The following SQLE variants were observed in gnomAD, a reference collection of about 807,000 sequenced individuals.
SQLE encodes the protein squalene epoxidase.
SQLE carries 29 observed loss-of-function variants against 60.7 expected under a neutral mutation model. The observed-to-expected ratio is 0.48, with a 90% CI of 0.36 to 0.65. The LOEUF (loss-of-function observed/expected upper bound fraction) is 0.65. Ranked by LOEUF, SQLE falls within the 30% of genes least tolerant of loss-of-function variation. The pLI is 0.00. For synonymous variants in SQLE, 237 were observed against 246.8 expected, an observed-to-expected ratio of 0.96 and a Z score of 0.37; for missense variants, 605 against 684.1, an observed-to-expected ratio of 0.88 and a Z score of 1.29.
Position 125,003,354 on chromosome 8 carries a change from A to G in SQLE, c.470A>G (p.Lys157Arg), listed in dbSNP as rs771790593. The change falls in exon 2 of 11, where the codon AAA (lysine) becomes AGA (arginine). Residue 157 changes from lysine (K) to arginine (R), a missense_variant. Physicochemically the swap from Lys to Arg is conservative, Grantham distance 26 (BLOSUM62 2). Coordinates refer to ENST00000265896, the MANE Select transcript of SQLE (RefSeq NM_003129.4). ...RKVTVIERDLKEPDRIVGEFL... is the reference protein window; with the variant it reads ...RKVTVIERDLREPDRIVGEFL... ...GTGACAGTCATTGAGAGAGACTTAA[A>G]AGAGCCTGACAGAATAGTTGGAGAA... The G allele has an allele frequency of 1.2e-6, 2 of 1,613,950 alleles. No individual in the cohort carries two copies. Among genetic ancestry groups the G allele is most frequent in the Non-Finnish European group, 1.7e-6 (2 of 1,179,880 alleles).
In SQLE at chr8:124,999,671, A is replaced by G; in HGVS notation, c.268A>G (p.Lys90Glu). 1.2e-6 allele frequency: 2 copies of G among 1,604,638 alleles called. No individual in the cohort carries two copies. The highest frequency in any genetic ancestry group is 1.7e-6 in the Non-Finnish European group (2 of 1,174,682). The change falls in exon 1 of 11, where the codon AAG (lysine) becomes GAG (glutamate). Residue 90 changes from lysine to glutamate, a missense_variant. Coordinates refer to ENST00000265896, the MANE Select transcript of SQLE (RefSeq NM_003129.4). ...WAKSPPESENKEQLEARRRRK... is the reference protein window; with the variant it reads ...WAKSPPESENEEQLEARRRRK... ...CAAATCCCCCCCTGAATCAGAAAAT[A>G]AGGAGCAGCTCGAGGCCAGGAGGGT... is the stretch of plus-strand genomic sequence containing the variant.
Position 125,022,207 on chromosome 8 carries a change from A to AG in SQLE, c.*264dup. Reference sequence around the variant, plus strand: ...TTACCATAAATTAGTGCTAATGCTGAGGAGAACTACAGTTTTTCTTTTGAA... The same window carrying AG: ...TTACCATAAATTAGTGCTAATGCTGAGGGAGAACTACAGTTTTTCTTTTGAA... On this transcript the variant is annotated 3_prime_UTR_variant, in exon 11 of 11. Coordinates refer to ENST00000265896, the MANE Select transcript of SQLE (RefSeq NM_003129.4). 1 of 241,776 alleles carries AG rather than the reference A, an allele frequency of 4.1e-6. No individual in the cohort carries two copies. The highest frequency in any genetic ancestry group is 7.9e-6 in the Non-Finnish European group (1 of 126,778). 15.0% of individuals were successfully genotyped at this position (241,776 alleles called of 1,614,324 possible).
rs1246697357 is a variant in SQLE, at chr8:125,009,259, A to T, written c.1024A>T (p.Thr342Ser). Residue 342 changes from threonine to serine, a missense_variant, in exon 6 of 11, where the codon ACT (threonine) becomes TCT (serine). Transcript: ENST00000265896. The stretch of plus-strand genomic sequence containing the variant: ...CATCTACCAGATTTCATCCAGTGAA[A>T]CTCGAGTACTTGTTGACATTAGAGG... ...VLIYQISSSE[T>S]RVLVDIRGEM... 1 of 1,613,830 alleles carries T rather than the reference A, an allele frequency of 6.2e-7. No individual in the cohort carries two copies. Among genetic ancestry groups the T allele is most frequent in the Non-Finnish European group, 8.5e-7 (1 of 1,179,864 alleles).
Position 125,009,041 on chromosome 8 carries a change from A to C in SQLE, c.893A>C (p.Asn298Thr), listed in dbSNP as rs199727991. 6.2e-7 allele frequency: 1 copy of C among 1,603,958 alleles called. No homozygotes were observed. Among genetic ancestry groups the C allele is most frequent in the Admixed American group, 1.7e-5 (1 of 58,356 alleles). ...AAGTTCAGGAAAAGCCTGGTCTCCA[A>C]TAAAGTTTCTGTATCATCTCATTTT... Reference protein sequence around the residue: ...FSKFRKSLVSNKVSVSSHFVG... With the variant: ...FSKFRKSLVSTKVSVSSHFVG... The change falls in exon 5 of 11, where the codon AAT becomes ACT. Residue 298 changes from asparagine (N) to threonine (T), a missense_variant. Physicochemically the swap from Asn to Thr is moderately conservative, Grantham distance 65. Transcript: ENST00000265896.
At chr8:125,002,670 T>C (rs2129872318) in intron 1 of SQLE, among the ~76,000 whole-genome samples, 1 of 152,150 alleles carries the variant, frequency 6.6e-6, no homozygotes. Context: ...AGAGTGAAAC[T>C]CAGTCTCAAA....
In SQLE at chr8:125,018,615, G is replaced by A. The variant is rs1196222822; in HGVS notation, c.1348-16G>A. The stretch of plus-strand genomic sequence containing the variant: ...TTTATCCTTACCATATAATAAATGA[G>A]CTATTTCTTTTTTAGGCCAAAAAAT... On this transcript the variant is annotated splice_polypyrimidine_tract_variant and intron_variant, in intron 8 of 10. Transcript: ENST00000265896. 1 of 1,547,340 alleles carries A rather than the reference G, an allele frequency of 6.5e-7. No homozygotes were observed. Among genetic ancestry groups the A allele is most frequent in the Non-Finnish European group, 8.8e-7 (1 of 1,132,616 alleles).
At position 125,020,777 on chromosome 8, in the gene SQLE, A is replaced by G. The variant is rs1815190737; in HGVS notation, c.1445-7A>G. 1 of 1,596,126 alleles carries G rather than the reference A, an allele frequency of 6.3e-7. No individual in the cohort carries two copies. Among genetic ancestry groups the G allele is most frequent in the Non-Finnish European group, 8.6e-7 (1 of 1,164,994 alleles). On this transcript the variant is annotated splice_region_variant and splice_polypyrimidine_tract_variant and intron_variant, in intron 9 of 10. Transcript: ENST00000265896. ...ACATATTTGATTATTTTACAATTTT[A>G]TTTTAGATTCCCTGCATCAACTAAG...
chr8:124,999,632 G>C lies in SQLE; in HGVS notation c.229G>C (p.Gly77Arg). Residue 77 changes from glycine (G) to arginine (R), a missense_variant, in exon 1 of 11, where the codon GGC becomes CGC. Transcript: ENST00000265896. The part of the protein sequence containing the change: ...SDILSGLPFI[G>R]FFWAKSPPES... ...TATTCTCTCAGGCCTGCCTTTCATTGGCTTCTTCTGGGCCAAATCCCCCCC... is the reference window on the plus strand; with the variant it reads ...TATTCTCTCAGGCCTGCCTTTCATTCGCTTCTTCTGGGCCAAATCCCCCCC... 1 of 1,612,654 alleles carries C rather than the reference G, an allele frequency of 6.2e-7. No individual in the cohort carries two copies. Among genetic ancestry groups the C allele is most frequent in the Non-Finnish European group, 8.5e-7 (1 of 1,179,306 alleles).
intron 2 of SQLE, 104 bp from the exon 3 acceptor site, chr8:125,005,421 G>A: frequency 9.6e-7 from 1 of 1,041,502 alleles, no homozygotes; most frequent in Non-Finnish European, 1.3e-6. Context: ...CTCCAGATTT[G>A]AAGGCAGAGA....
At position 125,021,846 on chromosome 8, in the gene SQLE, A is replaced by G. The variant is rs767429487; in HGVS notation, c.1626A>G (p.Thr542=). Residue 542 remains threonine, a synonymous_variant, in exon 11 of 11, where the codon ACA becomes ACG. Coordinates refer to ENST00000265896, the MANE Select transcript of SQLE (RefSeq NM_003129.4). ...YFCFKSEPWI[T]KPRALLSSGA... ...GCTTTAAGTCAGAACCTTGGATTAC[A>G]AAACCTCGAGCCCTTCTCAGTAGTG... 1.6e-4 allele frequency: 257 copies of G among 1,610,750 alleles called. No individual in the cohort carries two copies. The highest frequency in any genetic ancestry group is 2.2e-4 in the Non-Finnish European group (254 of 1,178,282).
intron 1 of SQLE, among the ~76,000 whole-genome samples, chr8:125,000,800 TG>T (rs1396958996): frequency 2.6e-5 from 4 of 152,140 alleles, no homozygotes; most frequent in Non-Finnish European, 5.9e-5. Context: ...GTATGGAGAA[TG>T]GGTTGTAGGC....
chr8:125,009,941 T>C (rs959382237), intron 6 of SQLE, among the ~76,000 whole-genome samples: 1 of 152,204 alleles, frequency 6.6e-6, no homozygotes, highest in African/African-American at 2.4e-5. Context: ...ACCTAAATAT[T>C]TTTGTGCTTG....
intron 7 of SQLE, among the ~76,000 whole-genome samples, chr8:125,013,079 AT>A (rs1215668283): frequency 6.6e-6 from 1 of 152,084 alleles, no homozygotes; most frequent in Non-Finnish European, 1.5e-5. Flanking sequence ...GACTTTGCAT[AT>A]TTTTTTAATT....
Position 124,999,389 on chromosome 8 carries a change from A to C in SQLE, c.-15A>C. The C allele has an allele frequency of 6.7e-7, 1 of 1,483,380 alleles. No individual in the cohort carries two copies. The highest frequency in any genetic ancestry group is 9.0e-7 in the Non-Finnish European group (1 of 1,116,024). The allele number at this position is 1,483,380 out of a possible 1,614,324, so 91.9% of individuals were successfully genotyped here. ...TCTCCGCCTTGACCGGTGCCACCAA[A>C]GAAGCCTTGGAACCATGTGGACTTT... On this transcript the variant is annotated 5_prime_UTR_variant, in exon 1 of 11. Transcript: ENST00000265896.
At chr8:125,008,368 C>T (rs945908899) in intron 4 of SQLE, among the ~76,000 whole-genome samples, 4 of 152,224 alleles carry the variant, frequency 2.6e-5, no homozygotes, top group Admixed American at 6.5e-5. Context: ...GGATTACAGG[C>T]GTGAGCCACC....
Position 125,005,559 on chromosome 8 carries a change from T to C in SQLE, c.579T>C (p.Asn193=). ...AAGGTCTTGATGCCCAGGTTGTAAATGGTTACATGATTCATGATCAGGAAA... is the reference window on the plus strand; with the variant it reads ...AAGGTCTTGATGCCCAGGTTGTAAACGGTTACATGATTCATGATCAGGAAA... ...TVEGLDAQVV[N]GYMIHDQESK... Residue 193 remains asparagine, a synonymous_variant, in exon 3 of 11, where the codon AAT becomes AAC. Coordinates refer to ENST00000265896, the MANE Select transcript of SQLE (RefSeq NM_003129.4). The C allele has an allele frequency of 5.0e-6, 8 of 1,608,974 alleles. No homozygotes were observed. The highest frequency in any genetic ancestry group is 6.8e-6 in the Non-Finnish European group (8 of 1,176,850).
chr8:125,015,188 A>G (rs1815092491), intron 7 of SQLE, among the ~76,000 whole-genome samples: 1 of 152,124 alleles, frequency 6.6e-6, no homozygotes, highest in African/African-American at 2.4e-5. Context: ...TTGTCTTGAA[A>G]TCTATTTTAC....
chr8:125,022,002 CT>C lies in SQLE; in HGVS notation c.*61del. The C allele has an allele frequency of 1.5e-6, 2 of 1,377,070 alleles. No individual in the cohort carries two copies. 85.3% of individuals were successfully genotyped at this position (1,377,070 alleles called of 1,614,324 possible). A position where few individuals can be genotyped will look rare whatever the true frequency, so the allele number is the denominator to read the frequency against. On this transcript the variant is annotated 3_prime_UTR_variant, in exon 11 of 11. Coordinates refer to ENST00000265896, the MANE Select transcript of SQLE (RefSeq NM_003129.4). Reference sequence around the variant, plus strand: ...TTGGAACTTACCAAGTCCTAAGAGACTTTTGGAAGAGGATATATATAGCATA... The same window carrying C: ...TTGGAACTTACCAAGTCCTAAGAGACTTTGGAAGAGGATATATATAGCATA...
At chr8:125,008,480 C>T (rs967144421) in intron 4 of SQLE, among the ~76,000 whole-genome samples, 1 of 152,140 alleles carries the variant, frequency 6.6e-6, no homozygotes, top group African/African-American at 2.4e-5. Context: ...TAGAAATTGT[C>T]CTCTAATGAA....
Sources: gnomAD v4.1 joint callset for allele counts (sites outside exome capture counted in the v4.1 genomes callset) on GRCh38, gnomAD v4.1.1 for gene constraint, MANE v1.5 for transcripts, NCBI Gene and HGNC (gene_info 2026-07-23, HGNC 2026-07-21) for gene names.